ABCA5: variants seen among roughly 807,000 people sequenced by gnomAD.
The protein encoded by ABCA5 is ATP binding cassette subfamily A member 5, also known as cholesterol transporter ABCA5.
ABCA5 carries 163 observed loss-of-function variants against 206.0 expected under a neutral mutation model. The observed-to-expected ratio is 0.79, with a 90% confidence interval of 0.70 to 0.90. The LOEUF (loss-of-function observed/expected upper bound fraction) is 0.90. ABCA5 is among the 40% of genes least tolerant of loss of function. The pLI is 0.00. For synonymous variants in ABCA5, 609 were observed against 613.8 expected (o/e 0.99, Z 0.11); for missense variants, 1,859 against 1,912.9 (o/e 0.97, Z 0.53).
chr17:69,284,950 AAG>A (rs2075434060), intron 17 of ABCA5, among the ~76,000 whole-genome samples: 1 of 152,238 alleles, frequency 6.6e-6, no homozygotes, highest in South Asian at 2.1e-4. Context: ...AAAGAAATGT[AAG>A]AGTCAACAAC....
At chr17:69,288,259 TG>T (rs2144977641) in intron 14 of ABCA5, among the ~76,000 whole-genome samples, 2 of 152,230 alleles carry the variant, frequency 1.3e-5, no homozygotes, top group South Asian at 4.1e-4. Context: ...GGCAGGATGG[TG>T]GGGATCAATA....
rs2075475475 is a variant in ABCA5 at position 69,287,765 on chromosome 17, G to A, written c.1903-14C>T. The A allele has an allele frequency of 1.2e-6, 2 of 1,606,908 alleles. No individual in the cohort carries two copies. Among genetic ancestry groups the A allele is most frequent in the South Asian group, 1.1e-5 (1 of 89,714 alleles). On this transcript the variant is annotated splice_polypyrimidine_tract_variant and intron_variant, in intron 14 of 38. Transcript: ENST00000392676. Reference sequence around the variant, plus strand: ...TAGCAGCAGTATCTGTGTGAAAAGAGGTGAAGAAGGGCAGGGAATCCTCAG... The same window carrying A: ...TAGCAGCAGTATCTGTGTGAAAAGAAGTGAAGAAGGGCAGGGAATCCTCAG...
intron 3 of ABCA5, among the ~76,000 whole-genome samples, chr17:69,312,686 G>A (rs1030395568): frequency 8.6e-5 from 13 of 152,016 alleles, no homozygotes; most frequent in East Asian, 3.9e-4. Context: ...TTGGGCTCAC[G>A]GGATCCCCCC....
At chr17:69,282,707 G>A (rs1348119881) in intron 18 of ABCA5, among the ~76,000 whole-genome samples, 3 of 149,998 alleles carry the variant, frequency 2.0e-5, no homozygotes, top group African/African-American at 7.4e-5. Flanking sequence ...GGGAGGCGGA[G>A]GTTGCAGTGA....
intron 37 of ABCA5, 168 bp from the exon 38 acceptor site, chr17:69,248,485 C>T (rs2074977577): frequency 2.0e-6 from 1 of 504,326 alleles, no homozygotes; most frequent in African/African-American, 1.9e-5. Flanking sequence ...CTTCCCCACA[C>T]CTATAATTCC....
rs1293298441 is a variant in ABCA5, at chr17:69,267,941, A to G, written c.3144+2T>C. 1.9e-6 allele frequency: 3 copies of G among 1,565,828 alleles called. No individual in the cohort carries two copies. In the East Asian group the frequency reaches 6.7e-5, roughly 35 times the overall value. ...ATTATATATTTTTAACTGAGTCATT[A>G]CCTTATGATTCTCTGCATTTTCCAT... On this transcript the variant is annotated splice_donor_variant, in intron 23 of 38. Coordinates refer to ENST00000392676, the MANE Select transcript of ABCA5 (RefSeq NM_172232.4). LOFTEE classifies it high-confidence loss of function.
At chr17:69,269,169 T>A (rs537590073) in intron 22 of ABCA5, among the ~76,000 whole-genome samples, 2 of 152,184 alleles carry the variant, frequency 1.3e-5, no homozygotes, top group Non-Finnish European at 2.9e-5. Context: ...TAAAATCTTG[T>A]GTAATAGTTA....
At chr17:69,299,613 A>G (rs1389692505) in intron 9 of ABCA5, among the ~76,000 whole-genome samples, 1 of 151,994 alleles carries the variant, frequency 6.6e-6, no homozygotes, top group Non-Finnish European at 1.5e-5. Context: ...AAAACCAAAT[A>G]TTGTATGTTC....
intron 37 of ABCA5, 27 bp downstream of exon 37, chr17:69,249,878 T>G: frequency 6.4e-7 from 1 of 1,550,530 alleles, no homozygotes; most frequent in Non-Finnish European, 8.7e-7. Flanking sequence ...AGGAATTTTA[T>G]AAGCCAAAAT....
chr17:69,314,073 G>A (rs1368474048), intron 2 of ABCA5, among the ~76,000 whole-genome samples: 1 of 152,126 alleles, frequency 6.6e-6, no homozygotes, highest in Non-Finnish European at 1.5e-5. Flanking sequence ...AGCTGAAAAT[G>A]AAGCACAGAT....
chr17:69,249,673 A>G (rs1373069514), intron 37 of ABCA5: 1 of 480,116 alleles, frequency 2.1e-6, no homozygotes, highest in Non-Finnish European at 3.7e-6. Flanking sequence ...ATTAGTGTTT[A>G]CCTGTGTCTT....
chr17:69,302,173 T>C (rs771982019), intron 8 of ABCA5, among the ~76,000 whole-genome samples: 2 of 152,200 alleles, frequency 1.3e-5, no homozygotes, highest in African/African-American at 2.4e-5. Context: ...CCATTTCTTA[T>C]AAGACTTCTT....
At chr17:69,284,183 C>A in intron 17 of ABCA5, 111 bp from the exon 18 acceptor site, 2 of 829,388 alleles carry the variant, frequency 2.4e-6, no homozygotes, top group Non-Finnish European at 3.4e-6. Flanking sequence ...ATATCATGAC[C>A]CATCTCTACA....
intron 1 of ABCA5, chr17:69,319,038 G>T: frequency 2.5e-6 from 1 of 396,784 alleles, no homozygotes; most frequent in South Asian, 3.2e-5. Context: ...TAAAAATTAA[G>T]TCATGTATAT....
Position 69,261,262 on chromosome 17 carries a change from A to G in ABCA5, c.3430-3T>C, listed in dbSNP as rs1425481701. 3 of 1,583,646 alleles carry G rather than the reference A, an allele frequency of 1.9e-6. No individual in the cohort carries two copies. The highest frequency in any genetic ancestry group is 2.3e-5 in the East Asian group (1 of 44,244). On this transcript the variant is annotated splice_region_variant and splice_polypyrimidine_tract_variant and intron_variant, in intron 25 of 38. Transcript: ENST00000392676. ...ATTGCAATACAAGCCAACGCTGCCT[A>G]AAGAAAAAAATAAATAAATAAAAGT...
At chr17:69,294,029 C>T (rs1168233213) in intron 11 of ABCA5, among the ~76,000 whole-genome samples, 3 of 151,992 alleles carry the variant, frequency 2.0e-5, no homozygotes, top group Non-Finnish European at 2.9e-5. Flanking sequence ...AAAAACCCTA[C>T]GATAGGCCAA....
rs776205160 is a variant in ABCA5 at position 69,259,659 on chromosome 17, C to A, written c.3731+47G>T. 12 of 1,288,414 alleles carry A rather than the reference C, an allele frequency of 9.3e-6. No individual in the cohort carries two copies. The African/African-American group carries it at 1.8e-4, about 19-fold the overall frequency. 79.8% of individuals were successfully genotyped at this position (1,288,414 alleles called of 1,614,324 possible). On this transcript the variant is annotated intron_variant, in intron 28 of 38. Transcript: ENST00000392676. ...ATGTTATGGTAATGGTTACACAGTT[C>A]TGTAAATATACTAAAAACATTTAAA... is the stretch of plus-strand genomic sequence containing the variant.
intron 31 of ABCA5, 71 bp downstream of exon 31, chr17:69,255,472 G>T: frequency 1.0e-6 from 1 of 982,256 alleles, no homozygotes; most frequent in Non-Finnish European, 1.4e-6. Flanking sequence ...ATCCGAATTT[G>T]TCACTAAAAG....
chr17:69,275,705 T>C (rs2075323846), intron 19 of ABCA5, among the ~76,000 whole-genome samples: 1 of 152,198 alleles, frequency 6.6e-6, no homozygotes, highest in Non-Finnish European at 1.5e-5. Context: ...GGAACACATT[T>C]TGTTATGGAT....
Sources: gnomAD v4.1 joint callset for allele counts (sites outside exome capture counted in the v4.1 genomes callset) on GRCh38, gnomAD v4.1.1 for gene constraint, MANE v1.5 for transcripts, NCBI Gene and HGNC (gene_info 2026-07-23, HGNC 2026-07-21) for gene names.